ICA1: variants seen among roughly 807,000 people sequenced by gnomAD.
ICA1 encodes the protein islet cell autoantigen 1, also known as 69 kDa islet cell autoantigen.
A neutral mutation model predicts 71.0 loss-of-function variants in ICA1; 40 were observed. That is an observed-to-expected ratio of 0.56 (90% CI 0.44 to 0.73). ICA1 has a LOEUF of 0.73. Ranked by LOEUF, ICA1 falls within the 30% of genes least tolerant of loss-of-function variation. The pLI, the probability that ICA1 is intolerant of heterozygous loss-of-function variation, is 0.00. For missense variants in ICA1, 578 were observed against 576.5 expected, an observed-to-expected ratio of 1.00 and a Z score of -0.03; for synonymous variants, 207 against 209.5, an observed-to-expected ratio of 0.99 and a Z score of 0.10.
intron 10 of ICA1, among the ~76,000 whole-genome samples, chr7:8,139,947 C>T (rs1794658218): frequency 6.6e-6 from 1 of 152,162 alleles, no homozygotes; most frequent in Non-Finnish European, 1.5e-5. Context: ...TATGATACTT[C>T]ATTATAATGG....
intron 1 of ICA1, among the ~76,000 whole-genome samples, chr7:8,255,717 C>T (rs1809879752): frequency 6.6e-6 from 1 of 151,512 alleles, no homozygotes; most frequent in Non-Finnish European, 1.5e-5. Flanking sequence ...TCTGTGGTCC[C>T]TATGTTAATT....
At chr7:8,221,446 T>C (rs1290732294) in intron 4 of ICA1, 48 bp from the exon 5 acceptor site, 4 of 1,604,022 alleles carry the variant, frequency 2.5e-6, no homozygotes, top group South Asian at 1.1e-5. Context: ...AGCATTTTGA[T>C]TGCAAAGGGA....
intron 6 of ICA1, among the ~76,000 whole-genome samples, chr7:8,200,338 CAAA>C (rs34371233): frequency 1.5e-5 from 1 of 67,964 alleles, no homozygotes; most frequent in Non-Finnish European, 2.6e-5. Flanking sequence ...CACAGTTGAG[CAAA>C]AAAAAAAAAA....
rs1011882720 is a variant in ICA1 at position 8,226,848 on chromosome 7, A to G, written c.256+1753T>C. 1.3e-5 allele frequency among the ~76,000 whole-genome samples: 2 copies of G among 152,216 alleles called. No homozygotes were observed. The highest frequency in any genetic ancestry group is 2.9e-5 in the Non-Finnish European group (2 of 68,034). On this transcript the variant is annotated intron_variant, in intron 4 of 13. Coordinates refer to ENST00000402384, the MANE Select transcript of ICA1 (RefSeq NM_001136020.3). This position sits in a 1 kb window ranked among gnomAD's most constrained non-coding sequence, Gnocchi z 4.4. ...TTATGAGCCTTCATGGTGTTCAACT[A>G]TAATTCTATTAACTAATCTGAGGTG...
At chr7:8,241,752 C>G (rs1460029247) in intron 1 of ICA1, among the ~76,000 whole-genome samples, 1 of 151,970 alleles carries the variant, frequency 6.6e-6, no homozygotes, top group Non-Finnish European at 1.5e-5. Context: ...AAAAAAACAG[C>G]AGGGGTTGCA....
intron 12 of ICA1, among the ~76,000 whole-genome samples, chr7:8,129,920 T>C (rs1056668293): frequency 5.6e-5 from 8 of 143,720 alleles, no homozygotes; most frequent in Non-Finnish European, 4.5e-5. Context: ...GTTCTCATTG[T>C]TCAATTCCCA....
At position 8,123,545 on chromosome 7, in the gene ICA1, A is replaced by T. The variant is rs572648595; in HGVS notation, c.1330+4328T>A. Among the ~76,000 whole-genome samples, 13 of 152,150 alleles carry T rather than the reference A, an allele frequency of 8.5e-5. No individual in the cohort carries two copies. Among genetic ancestry groups the T allele is most frequent in the Non-Finnish European group, 1.5e-4 (10 of 68,020 alleles). ...GATGCAGCAGGAGTGTGCCAGAGCG[A>T]ATGTAGCTGCTGGCACACAGGAACA... On this transcript the variant is annotated intron_variant, in intron 13 of 13. Coordinates refer to ENST00000402384, the MANE Select transcript of ICA1 (RefSeq NM_001136020.3). This position sits in a 1 kb window ranked among gnomAD's most constrained non-coding sequence, Gnocchi z 4.1.
chr7:8,179,463 G>C (rs150478065), intron 6 of ICA1, among the ~76,000 whole-genome samples: 22 of 152,254 alleles, frequency 1.4e-4, no homozygotes, highest in African/African-American at 4.8e-4. Flanking sequence ...CAACAGCATC[G>C]GATGATTACT....
chr7:8,148,306 G>C (rs575527538), intron 8 of ICA1, among the ~76,000 whole-genome samples: 9 of 152,232 alleles, frequency 5.9e-5, no homozygotes, highest in African/African-American at 1.9e-4. Flanking sequence ...TAGAATTTTT[G>C]CTTCACCAAC....
At chr7:8,228,809 G>C (rs903690007) in intron 3 of ICA1, 136 bp from the exon 4 acceptor site, 1 of 527,020 alleles carries the variant, frequency 1.9e-6, no homozygotes, top group Non-Finnish European at 3.3e-6. Flanking sequence ...GTGTTATGCG[G>C]TGTACTATAC....
intron 6 of ICA1, among the ~76,000 whole-genome samples, chr7:8,161,186 T>G (rs1341013377): frequency 1.1e-4 from 17 of 152,186 alleles, no homozygotes; most frequent in Admixed American, 1.1e-3. Context: ...TGTAAAGGAA[T>G]GAGGTACATA....
At chr7:8,236,682 C>G (rs1298398406) in intron 1 of ICA1, 5 of 152,202 alleles carry the variant, frequency 3.3e-5, no homozygotes, top group Non-Finnish European at 7.3e-5. Context: ...TATCTACCAG[C>G]CTAGCCTTGT....
At chr7:8,207,329 T>C (rs867686589) in intron 6 of ICA1, among the ~76,000 whole-genome samples, 2 of 152,216 alleles carry the variant, frequency 1.3e-5, no homozygotes, top group South Asian at 2.1e-4. Context: ...TTCAGAGTTA[T>C]ACCAACAGGC....
intron 1 of ICA1, among the ~76,000 whole-genome samples, chr7:8,251,988 G>A (rs1439352769): frequency 6.6e-6 from 1 of 152,118 alleles, no homozygotes; most frequent in East Asian, 1.9e-4. Context: ...TAACAAAGAG[G>A]TAGGTATTTG....
At chr7:8,138,137 G>A (rs1794038975) in intron 12 of ICA1, among the ~76,000 whole-genome samples, 1 of 152,190 alleles carries the variant, frequency 6.6e-6, no homozygotes, top group Non-Finnish European at 1.5e-5. Flanking sequence ...CCCTCTCAAT[G>A]TCTTAGGATT....
rs1396409525 is a variant in ICA1 at position 8,122,866 on chromosome 7, AT to A, written c.1330+5006del. Among the ~76,000 whole-genome samples, 4 of 152,368 alleles carry A rather than the reference AT, an allele frequency of 2.6e-5. No homozygotes were observed. In the East Asian group the frequency reaches 7.7e-4, roughly 29 times the overall value. ...CTAACTTCGGTTTGCAGAGTCCTAAATTAAAAGATGTCCTGATGCATTTATT... is the reference window on the plus strand; with the variant it reads ...CTAACTTCGGTTTGCAGAGTCCTAAATAAAAGATGTCCTGATGCATTTATT... On this transcript the variant is annotated intron_variant, in intron 13 of 13. Transcript: ENST00000402384.
At position 8,139,454 on chromosome 7, in the gene ICA1, G is replaced by A. The variant is rs549104753; in HGVS notation, c.956-407C>T. Among the ~76,000 whole-genome samples, 6 of 152,282 alleles carry A rather than the reference G, an allele frequency of 3.9e-5. No homozygotes were observed. In the East Asian group the frequency reaches 7.7e-4, roughly 20 times the overall value. ...ACACATTGCATGATTCCAATTATAT[G>A]ACATTTTGGAAAAGACAAAACTATG... On this transcript the variant is annotated intron_variant, in intron 10 of 13. Coordinates refer to ENST00000402384, the MANE Select transcript of ICA1 (RefSeq NM_001136020.3).
At chr7:8,182,208 T>C (rs1481990175) in intron 6 of ICA1, among the ~76,000 whole-genome samples, 1 of 152,168 alleles carries the variant, frequency 6.6e-6, no homozygotes, top group African/African-American at 2.4e-5. Context: ...GAAGCCTATC[T>C]GGACCCACTG....
At chr7:8,190,230 T>TC (rs1785151964) in intron 6 of ICA1, among the ~76,000 whole-genome samples, 1 of 152,032 alleles carries the variant, frequency 6.6e-6, no homozygotes, top group East Asian at 1.9e-4. Context: ...TTTTTTTTTT[T>TC]CCGCAGTCAG....
Sources: allele counts gnomAD v4.1 joint callset (sites outside exome capture counted in the v4.1 genomes callset), GRCh38; gene constraint gnomAD v4.1.1; non-coding constraint Gnocchi (gnomAD v3.1); transcripts MANE v1.5; gene names NCBI Gene and HGNC (gene_info 2026-07-23, HGNC 2026-07-21).